Variants in FSD1L observed in about 807,000 individuals in gnomAD.
FSD1L encodes FSD1-like protein.
In FSD1L, 45 loss-of-function variants were observed where a neutral mutation model predicts 71.6. That is an observed-to-expected ratio of 0.63 (90% CI 0.49 to 0.81). FSD1L has a LOEUF of 0.81. Ranked by LOEUF, FSD1L falls within the 30% of genes least tolerant of loss-of-function variation. The probability of loss-of-function intolerance (pLI) is 0.00; values close to 1 mark genes in which losing one functional copy is unlikely to be tolerated. For missense variants in FSD1L, 561 were observed against 618.1 expected (o/e 0.91, Z 0.98); for synonymous variants, 197 against 207.2 (o/e 0.95, Z 0.42).
chr9:105,532,941 A>AATCATAT (rs1835989142), intron 10 of FSD1L, among the ~76,000 whole-genome samples: 2 of 152,170 alleles, frequency 1.3e-5, no homozygotes, highest in South Asian at 2.1e-4. Flanking sequence ...GAAGTCACTG[A>AATCATAT]GTCATATGAA....
chr9:105,450,074 G>T (rs537896765), intron 1 of FSD1L, among the ~76,000 whole-genome samples: 1 of 152,222 alleles, frequency 6.6e-6, no homozygotes, highest in Non-Finnish European at 1.5e-5. Context: ...AGAATGTCCG[G>T]GATTAATGTG....
At chr9:105,498,872 C>G (rs187244193) in intron 7 of FSD1L, among the ~76,000 whole-genome samples, 1 of 152,182 alleles carries the variant, frequency 6.6e-6, no homozygotes, top group Non-Finnish European at 1.5e-5. Context: ...GATCCGCCCC[C>G]CTCCCAAAGT....
chr9:105,528,678 C>T (rs1835683985), intron 10 of FSD1L, among the ~76,000 whole-genome samples: 1 of 152,128 alleles, frequency 6.6e-6, no homozygotes, highest in Admixed American at 6.5e-5. Flanking sequence ...CATAAAAATC[C>T]TGGAAGAAAT....
intron 3 of FSD1L, among the ~76,000 whole-genome samples, chr9:105,466,999 A>G (rs2131625183): frequency 6.6e-6 from 1 of 152,338 alleles, no homozygotes; most frequent in South Asian, 2.1e-4. Context: ...ACAAGATGCC[A>G]TCTGGTGATT....
chr9:105,529,301 T>G (rs1835738945), intron 10 of FSD1L, among the ~76,000 whole-genome samples: 1 of 152,146 alleles, frequency 6.6e-6, no homozygotes, highest in Non-Finnish European at 1.5e-5. Context: ...TATAAATCCT[T>G]CTACTATAAA....
At chr9:105,452,669 G>T (rs4992159) in intron 1 of FSD1L, among the ~76,000 whole-genome samples, 14,991 of 95,518 alleles carry the variant, frequency 0.16, 1,347 homozygotes, top group Non-Finnish European at 0.18. Context: ...CTGCCTGCCT[G>T]CCTTCCTTCC....
chr9:105,512,401 T>C (rs780323727), intron 9 of FSD1L, among the ~76,000 whole-genome samples: 1 of 152,146 alleles, frequency 6.6e-6, no homozygotes, highest in Non-Finnish European at 1.5e-5. Flanking sequence ...CCAGGTTCTA[T>C]AATTTTTTAC....
rs1358159698 is a variant in FSD1L, at chr9:105,539,163, A to ATATTAT, written c.1379-100_1379-99insTATTAT. 405 of 620,758 alleles carry ATATTAT rather than the reference A, an allele frequency of 6.5e-4. 3 individuals are homozygous for ATATTAT. The African/African-American group carries it at 6.7e-3, about 10-fold the overall frequency. The allele number at this position is 620,758 out of a possible 1,614,324, so 38.5% of individuals were successfully genotyped here. A position where few individuals can be genotyped will look rare whatever the true frequency, so the allele number is the denominator to read the frequency against. ...CAGTCCTCATACAAAAATTAATGCC[A>ATATTAT]ACTTATATATTATTACTTTTTGCAT... On this transcript the variant is annotated intron_variant, in intron 12 of 13. Transcript: ENST00000481272.
chr9:105,504,570 C>G (rs969627476), intron 7 of FSD1L, among the ~76,000 whole-genome samples: 3 of 152,218 alleles, frequency 2.0e-5, no homozygotes, highest in South Asian at 2.1e-4. Flanking sequence ...AAAAAATTAG[C>G]AAGAGTCATC....
intron 10 of FSD1L, chr9:105,520,149 G>A (rs1835043736): frequency 1.2e-6 from 2 of 1,608,248 alleles, no homozygotes; most frequent in Non-Finnish European, 1.7e-6. Context: ...GAAGCCGCAC[G>A]GGGACGTGAA....
intron 1 of FSD1L, among the ~76,000 whole-genome samples, chr9:105,450,758 C>G (rs1241831428): frequency 6.6e-6 from 1 of 151,692 alleles, no homozygotes; most frequent in Non-Finnish European, 1.5e-5. Context: ...GTCTCAAACT[C>G]CTGACCTCAC....
chr9:105,465,941 A>G (rs1831037594), intron 3 of FSD1L, among the ~76,000 whole-genome samples: 1 of 151,620 alleles, frequency 6.6e-6, no homozygotes, highest in South Asian at 2.1e-4. Flanking sequence ...CCGCAGTCTC[A>G]GCTCACTGAA....
intron 3 of FSD1L, among the ~76,000 whole-genome samples, chr9:105,465,128 G>A (rs894497589): frequency 2.0e-5 from 3 of 152,198 alleles, no homozygotes; most frequent in African/African-American, 7.2e-5. Flanking sequence ...TATATTGTAA[G>A]TAGTGACATA....
At chr9:105,472,564 G>T (rs1170012642) in intron 5 of FSD1L, 1 of 152,086 alleles carries the variant, frequency 6.6e-6, no homozygotes, top group Non-Finnish European at 1.5e-5. Flanking sequence ...ATTTTAAAAT[G>T]ATGTGAAAAG....
At chr9:105,522,199 T>G in intron 10 of FSD1L, 1 of 1,613,874 alleles carries the variant, frequency 6.2e-7, no homozygotes, top group South Asian at 1.1e-5. Context: ...CTGTCAGTAT[T>G]GTCATCGTTG....
intron 5 of FSD1L, among the ~76,000 whole-genome samples, chr9:105,478,346 C>T (rs964990461): frequency 2.6e-5 from 4 of 152,088 alleles, no homozygotes; most frequent in South Asian, 4.1e-4. Context: ...ATAGGAACAA[C>T]GTTAGAACTG....
chr9:105,490,179 T>C (rs1389382001), intron 7 of FSD1L, among the ~76,000 whole-genome samples: 1 of 152,228 alleles, frequency 6.6e-6, no homozygotes, highest in Non-Finnish European at 1.5e-5. Flanking sequence ...GTTTCCTGAC[T>C]TTTTAATGAT....
intron 7 of FSD1L, among the ~76,000 whole-genome samples, chr9:105,498,755 A>T (rs78238164): frequency 6.6e-6 from 1 of 152,006 alleles, no homozygotes; most frequent in African/African-American, 2.4e-5. Flanking sequence ...TTCTCTTGAG[A>T]TTTATTCTTT....
intron 10 of FSD1L, among the ~76,000 whole-genome samples, chr9:105,534,072 T>G (rs1836106700): frequency 6.6e-6 from 1 of 152,194 alleles, no homozygotes; most frequent in Non-Finnish European, 1.5e-5. Context: ...AAATACTCAC[T>G]GCTTATAAAA....
Sources: allele counts gnomAD v4.1 joint callset (sites outside exome capture counted in the v4.1 genomes callset), GRCh38; gene constraint gnomAD v4.1.1; transcripts MANE v1.5; gene names NCBI Gene and HGNC (gene_info 2026-07-23, HGNC 2026-07-21).